The following LRRC34 variants were observed in gnomAD, a reference collection of about 807,000 sequenced individuals.
LRRC34 encodes leucine rich repeat containing 34.
LRRC34 carries 44 observed loss-of-function variants against 48.5 expected under a neutral mutation model. That is an observed-to-expected ratio of 0.91 (90% CI 0.71 to 1.17). LRRC34 has a LOEUF of 1.17. Ranked by LOEUF, LRRC34 falls within the 50% of genes most tolerant of loss-of-function variation. The probability of loss-of-function intolerance (pLI) is 0.00; values close to 1 mark genes in which losing one functional copy is unlikely to be tolerated. For missense variants in LRRC34, 502 were observed against 563.0 expected, an observed-to-expected ratio of 0.89 and a Z score of 1.10; for synonymous variants, 192 against 197.6, an observed-to-expected ratio of 0.97 and a Z score of 0.24.
chr3:169,797,635 A>G (rs112017985), intron 7 of LRRC34, among the ~76,000 whole-genome samples: 2,180 of 152,358 alleles, frequency 0.014, 20 homozygotes, highest in Middle Eastern at 0.027. Context: ...GCTGTATAAC[A>G]TAATAAGTTT....
intron 1 of LRRC34, among the ~76,000 whole-genome samples, chr3:169,811,035 G>C (rs1779546453): frequency 6.6e-6 from 1 of 152,208 alleles, no homozygotes; most frequent in Non-Finnish European, 1.5e-5. Context: ...TCGCGCCACT[G>C]CACTCCAGCC....
At chr3:169,795,290 C>CTAA in intron 10 of LRRC34, 195 bp downstream of exon 10, 1 of 403,744 alleles carries the variant, frequency 2.5e-6, no homozygotes, top group Non-Finnish European at 4.3e-6. Context: ...ATGTGTAATA[C>CTAA]TAATACATAG....
Position 169,796,886 on chromosome 3 carries a change from A to T in LRRC34, c.767T>A (p.Val256Asp). ...ILYSEQEESTVHVGRMLKENH... is the reference protein window; with the variant it reads ...ILYSEQEESTDHVGRMLKENH... ...TTCTTTCAACATGCGGCCTACATGG[A>T]CTGTAGACTCTTCCTAAAAGTGGAT... Residue 256 changes from valine to aspartate, a missense_variant, in exon 8 of 11, where the codon GTC becomes GAC. By Grantham distance (152) the Val-to-Asp change is radical. Coordinates refer to ENST00000446859, the MANE Select transcript of LRRC34 (RefSeq NM_001172779.2). 1 of 1,573,620 alleles carries T rather than the reference A, an allele frequency of 6.4e-7. No homozygotes were observed. Among genetic ancestry groups the T allele is most frequent in the Non-Finnish European group, 8.6e-7 (1 of 1,160,396 alleles).
chr3:169,812,634 G>A lies in LRRC34; in HGVS notation c.-86C>T. On this transcript the variant is annotated 5_prime_UTR_variant, in exon 1 of 11. Coordinates refer to ENST00000446859, the MANE Select transcript of LRRC34 (RefSeq NM_001172779.2). The surrounding 1 kb of genome is among the most constrained non-coding windows in gnomAD (Gnocchi z 4.3). ...CGCCAGCCTGCTTCGAGTCCCGCTG[G>A]CTGTGCCTGCCCGGGCCCTGAGGCC... The A allele has an allele frequency of 7.1e-7, 1 of 1,401,134 alleles. No individual in the cohort carries two copies. Among genetic ancestry groups the A allele is most frequent in the Non-Finnish European group, 9.2e-7 (1 of 1,084,018 alleles). 86.8% of individuals were successfully genotyped at this position (1,401,134 alleles called of 1,614,324 possible). A position where few individuals can be genotyped will look rare whatever the true frequency, so the allele number is the denominator to read the frequency against.
In LRRC34 at chr3:169,812,482, C is replaced by T; in HGVS notation, c.67G>A (p.Ala23Thr). 2 of 1,528,578 alleles carry T rather than the reference C, an allele frequency of 1.3e-6. No individual in the cohort carries two copies. Among genetic ancestry groups the T allele is most frequent in the Non-Finnish European group, 1.7e-6 (2 of 1,143,994 alleles). The allele number at this position is 1,528,578 out of a possible 1,614,324, so 94.7% of individuals were successfully genotyped here. ...GCCCAAGCCGGGGACCTGGCCGGCG[C>T]ACGGGCGGCCTCCCGGGAGCTCCCC... is the stretch of plus-strand genomic sequence containing the variant. ...SMGSSREAARAPARSPAWAST... is the reference protein window; with the variant it reads ...SMGSSREAARTPARSPAWAST... Residue 23 changes from alanine to threonine, a missense_variant, in exon 1 of 11, where the codon GCG (alanine) becomes ACG (threonine). Ala to Thr is a moderately conservative substitution (Grantham distance 58). Transcript: ENST00000446859. This position sits in a 1 kb window ranked among gnomAD's most constrained non-coding sequence, Gnocchi z 4.3.
At chr3:169,805,515 A>G (rs1779339897) in intron 5 of LRRC34, among the ~76,000 whole-genome samples, 1 of 152,244 alleles carries the variant, frequency 6.6e-6, no homozygotes, top group Non-Finnish European at 1.5e-5. Context: ...GAAACATCTT[A>G]TGTTCGAGGT....
rs1778953663 is a variant in LRRC34 at position 169,795,507 on chromosome 3, T to C, written c.1169A>G (p.Lys390Arg). The change falls in exon 10 of 11, where the codon AAA (lysine) becomes AGA (arginine). Residue 390 changes from lysine (K) to arginine (R), a missense_variant. Physicochemically the swap from Lys to Arg is conservative, Grantham distance 26 (BLOSUM62 2). Transcript: ENST00000446859. The stretch of plus-strand genomic sequence containing the variant: ...TACTATACACGTAGCCTCATCAAAT[T>C]TGTTTCCCCAAATGTAGATATGAGA... Reference protein sequence around the residue: ...TFSHIYIWGNKFDEATCIAYS... With the variant: ...TFSHIYIWGNRFDEATCIAYS... The C allele has an allele frequency of 5.6e-6, 9 of 1,611,932 alleles. No individual in the cohort carries two copies. Among genetic ancestry groups the C allele is most frequent in the Non-Finnish European group, 7.6e-6 (9 of 1,178,718 alleles).
chr3:169,808,355 CAA>C (rs1370699153), intron 2 of LRRC34, among the ~76,000 whole-genome samples: 2 of 131,888 alleles, frequency 1.5e-5, no homozygotes, highest in Non-Finnish European at 3.4e-5. Context: ...TGCCCACAAA[CAA>C]AAAAAAAAGA....
rs893139346 is a variant in LRRC34 at position 169,793,813 on chromosome 3, C to T, written c.1217G>A (p.Gly406Asp). 2.5e-5 allele frequency: 41 copies of T among 1,611,270 alleles called. No individual in the cohort carries two copies. Among genetic ancestry groups the T allele is most frequent in the Non-Finnish European group, 3.2e-5 (38 of 1,179,126 alleles). Residue 406 changes from glycine (G) to aspartate (D), a missense_variant, in exon 11 of 11, where the codon GGT becomes GAT. By Grantham distance (94) the Gly-to-Asp change is moderately conservative. Transcript: ENST00000446859. ...ATCTGTATTGTCTGGTTTTAGACAA[C>T]CCATTTGAATTAAGTCTGAATATGC... ...CIAYSDLIQMGCLKPDNTDVE... is the reference protein window; with the variant it reads ...CIAYSDLIQMDCLKPDNTDVE...
chr3:169,808,487 A>T, intron 2 of LRRC34, 141 bp downstream of exon 2: 1 of 566,646 alleles, frequency 1.8e-6, no homozygotes, highest in Non-Finnish European at 3.2e-6. Context: ...TTGCTCGTGT[A>T]CTTACTTACC....
Position 169,793,673 on chromosome 3 carries a change from C to CT in LRRC34, c.1356_1357insA (p.Ala453SerfsTer16). The CT allele has an allele frequency of 6.2e-7, 1 of 1,613,706 alleles. No homozygotes were observed. The highest frequency in any genetic ancestry group is 8.5e-7 in the Non-Finnish European group (1 of 1,179,838). On this transcript the variant is annotated frameshift_variant, in exon 11 of 11. Transcript: ENST00000446859. LOFTEE classifies it high-confidence loss of function. ...CCTACTGGAACAAGAGCAAAACCTG[C>CT]ATTAGATGAGTGGTCATAAGATTCT...
chr3:169,812,477 C>A lies in LRRC34; in HGVS notation c.72G>T (p.Pro24=), dbSNP rs1185860945. 3 of 1,529,124 alleles carry A rather than the reference C, an allele frequency of 2.0e-6. No homozygotes were observed. Among genetic ancestry groups the A allele is most frequent in the Admixed American group, 2.0e-5 (1 of 50,728 alleles). 94.7% of individuals were successfully genotyped at this position (1,529,124 alleles called of 1,614,324 possible). Residue 24 remains proline (P), a synonymous_variant, in exon 1 of 11, where the codon CCG becomes CCT. Transcript: ENST00000446859. The surrounding 1 kb of genome is among the most constrained non-coding windows in gnomAD (Gnocchi z 4.3). ...MGSSREAARA[P]ARSPAWASTQ... ...TGGAGGCCCAAGCCGGGGACCTGGC[C>A]GGCGCACGGGCGGCCTCCCGGGAGC... is the stretch of plus-strand genomic sequence containing the variant.
chr3:169,812,534 C>G lies in LRRC34; in HGVS notation c.15G>C (p.Pro5=). The G allele has an allele frequency of 6.7e-7, 1 of 1,503,690 alleles. No individual in the cohort carries two copies. The highest frequency in any genetic ancestry group is 8.8e-7 in the Non-Finnish European group (1 of 1,134,130). The allele number at this position is 1,503,690 out of a possible 1,614,324, so 93.1% of individuals were successfully genotyped here. A position where few individuals can be genotyped will look rare whatever the true frequency, so the allele number is the denominator to read the frequency against. ...TGCTCCTCTCACCCACTGGCCGCGG[C>G]GGCTGCGCTGCCATGGCGACCGCGC... MAAQ[P]PRPVGERSMG... Residue 5 remains proline (P), a synonymous_variant, in exon 1 of 11, where the codon CCG becomes CCC. Transcript: ENST00000446859. This position sits in a 1 kb window ranked among gnomAD's most constrained non-coding sequence, Gnocchi z 4.3.
In LRRC34 at chr3:169,807,684, T is replaced by C; in HGVS notation, c.283A>G (p.Ile95Val). The C allele has an allele frequency of 5.0e-6, 8 of 1,592,612 alleles. No homozygotes were observed. The highest frequency in any genetic ancestry group is 6.8e-6 in the Non-Finnish European group (8 of 1,174,370). ...KGLAAGITLNIAGNNRLVPVE... is the reference protein window; with the variant it reads ...KGLAAGITLNVAGNNRLVPVE... Reference sequence around the variant, plus strand: ...GGCACTAAGCGATTGTTACCAGCAATGTTTAATGTGATTCCTGCTGCTAGC... The same window carrying C: ...GGCACTAAGCGATTGTTACCAGCAACGTTTAATGTGATTCCTGCTGCTAGC... The change falls in exon 3 of 11, where the codon ATT becomes GTT. Residue 95 changes from isoleucine to valine, a missense_variant. Transcript: ENST00000446859.
chr3:169,806,891 T>A lies in LRRC34; in HGVS notation c.485A>T (p.Asp162Val). 1.2e-6 allele frequency: 2 copies of A among 1,607,548 alleles called. No homozygotes were observed. ...CAATTCTCCACCTTCGGGCCCAATATCATTAAACATGAGGTTTAAGTAAAT... is the reference window on the plus strand; with the variant it reads ...CAATTCTCCACCTTCGGGCCCAATAACATTAAACATGAGGTTTAAGTAAAT... ...NLIYLNLMFN[D>V]IGPEGGELIA... is the part of the protein sequence containing the mutation. Residue 162 changes from aspartate to valine, a missense_variant, in exon 5 of 11, where the codon GAT becomes GTT. By Grantham distance (152) the Asp-to-Val change is radical. Transcript: ENST00000446859.
At position 169,799,197 on chromosome 3, in the gene LRRC34, G is replaced by A. The variant is rs536520274; in HGVS notation, c.753+1462C>T. 8.7e-4 allele frequency among the ~76,000 whole-genome samples: 133 copies of A among 152,248 alleles called. 1 individual carries two copies. The highest frequency in any genetic ancestry group is 2.9e-3 in the African/African-American group (119 of 41,528). ...AAATTCTGGTACCAAAAAGTGCAGC[G>A]ATAACTCAAAGGGAGAGATCTATGT... On this transcript the variant is annotated intron_variant, in intron 7 of 10. Transcript: ENST00000446859.
intron 7 of LRRC34, among the ~76,000 whole-genome samples, chr3:169,799,600 T>C (rs1779117537): frequency 6.6e-6 from 1 of 152,168 alleles, no homozygotes; most frequent in African/African-American, 2.4e-5. Flanking sequence ...GAGGCTGCCG[T>C]GAGCCGATAT....
intron 2 of LRRC34, among the ~76,000 whole-genome samples, chr3:169,808,355 CA>C (rs1370699153): frequency 2.1e-4 from 28 of 131,840 alleles, no homozygotes; most frequent in East Asian, 4.3e-4. Context: ...TGCCCACAAA[CA>C]AAAAAAAAAG....
intron 1 of LRRC34, among the ~76,000 whole-genome samples, chr3:169,811,430 C>T (rs921304668): frequency 6.6e-6 from 1 of 152,170 alleles, no homozygotes; most frequent in African/African-American, 2.4e-5. Context: ...AATTCACCTA[C>T]GTATTTTGTA....
Sources: gnomAD v4.1 joint callset for allele counts (sites outside exome capture counted in the v4.1 genomes callset) on GRCh38, gnomAD v4.1.1 for gene constraint, Gnocchi (gnomAD v3.1) non-coding constraint, MANE v1.5 for transcripts, NCBI Gene and HGNC (gene_info 2026-07-23, HGNC 2026-07-21) for gene names.